The following NADSYN1 variants were observed in gnomAD, a reference collection of about 807,000 sequenced individuals.
The protein encoded by NADSYN1 is glutamine-dependent NAD(+) synthetase.
NADSYN1 carries 80 observed loss-of-function variants against 99.3 expected under a neutral mutation model. The ratio of observed to expected loss-of-function variants is 0.81; its 90% CI spans 0.67 to 0.97. NADSYN1 has a LOEUF of 0.97. Among genes scored for constraint, NADSYN1 ranks in the 50% least tolerant of loss-of-function variants. The probability of loss-of-function intolerance (pLI) is 0.00; values close to 1 mark genes in which losing one functional copy is unlikely to be tolerated. For missense variants in NADSYN1, 859 were observed against 948.5 expected (o/e 0.91, Z 1.24); for synonymous variants, 385 against 372.1 (o/e 1.03, Z -0.40).
chr11:71,478,513 C>A, intron 10 of NADSYN1, 44 bp downstream of exon 10: 1 of 1,538,386 alleles, frequency 6.5e-7, no homozygotes, highest in Non-Finnish European at 8.9e-7. Context: ...TCATCAAAGA[C>A]GTGGAAAGTG....
At position 71,464,158 on chromosome 11, in the gene NADSYN1, G is replaced by A; in HGVS notation, c.407+16G>A. 6.3e-7 allele frequency: 1 copy of A among 1,590,016 alleles called. No individual in the cohort carries two copies. Among genetic ancestry groups the A allele is most frequent in the South Asian group, 1.1e-5 (1 of 88,152 alleles). On this transcript the variant is annotated intron_variant, in intron 5 of 20. Transcript: ENST00000319023. ...CGAGGAGTCGGTGAGTCGGGTGCCT[G>A]ACCACTCCTGGGATGTGCGTTAAGC...
At chr11:71,469,247 C>T (rs986078275) in intron 5 of NADSYN1, among the ~76,000 whole-genome samples, 3 of 152,128 alleles carry the variant, frequency 2.0e-5, no homozygotes, top group African/African-American at 7.2e-5. Flanking sequence ...GTTCAGGATT[C>T]GAGACCAGCT....
intron 16 of NADSYN1, among the ~76,000 whole-genome samples, chr11:71,487,049 G>A (rs1289665327): frequency 2.0e-5 from 3 of 151,994 alleles, no homozygotes; most frequent in African/African-American, 4.8e-5. Flanking sequence ...CTCGTGATCC[G>A]CCCACCTTGG....
rs1252397997 is a variant in NADSYN1 at position 71,498,503 on chromosome 11, G to T, written c.2045G>T (p.Trp682Leu). The T allele has an allele frequency of 6.2e-7, 1 of 1,614,082 alleles. No individual in the cohort carries two copies. Residue 682 changes from tryptophan to leucine, a missense_variant, in exon 20 of 21, where the codon TGG becomes TTG. Transcript: ENST00000319023. ...RPFLYNTSWPWQFRCIENQVL... is the reference protein window; with the variant it reads ...RPFLYNTSWPLQFRCIENQVL... ...TTTCTGTACAACACAAGCTGGCCTTGGCAGTTTCGGTGCATAGAAAATCAG... is the reference window on the plus strand; with the variant it reads ...TTTCTGTACAACACAAGCTGGCCTTTGCAGTTTCGGTGCATAGAAAATCAG...
chr11:71,463,072 C>T (rs576526270), intron 3 of NADSYN1, among the ~76,000 whole-genome samples: 1 of 152,218 alleles, frequency 6.6e-6, no homozygotes, highest in Admixed American at 6.5e-5. Flanking sequence ...CGGACAGGTG[C>T]TGAAAAGTGG....
Position 71,482,760 on chromosome 11 carries a change from G to C in NADSYN1, c.1151-89G>C, listed in dbSNP as rs987184429. The C allele has an allele frequency of 5.6e-6, 8 of 1,417,162 alleles. No homozygotes were observed. The South Asian group carries it at 1.2e-4, about 22-fold the overall frequency. The allele number at this position is 1,417,162 out of a possible 1,614,324, so 87.8% of individuals were successfully genotyped here. ...GTGTAGACCGGGGTGGAGCCGCATG[G>C]GCACCTGGGGGTGTAGACCGGGGTG... On this transcript the variant is annotated intron_variant, in intron 13 of 20. Coordinates refer to ENST00000319023, the MANE Select transcript of NADSYN1 (RefSeq NM_018161.5).
chr11:71,484,157 G>C (rs1017933136), intron 14 of NADSYN1, among the ~76,000 whole-genome samples, 155 bp from the exon 15 acceptor site: 1 of 152,226 alleles, frequency 6.6e-6, no homozygotes, highest in Non-Finnish European at 1.5e-5. Context: ...GGTGGTGATG[G>C]CTGCGCAGCA....
chr11:71,466,101 G>A (rs1949587341), intron 5 of NADSYN1, among the ~76,000 whole-genome samples: 2 of 152,182 alleles, frequency 1.3e-5, no homozygotes, highest in South Asian at 4.1e-4. Context: ...ATTTGATTTG[G>A]GGCTTATATC....
At chr11:71,484,542 T>TC (rs1949729616) in intron 15 of NADSYN1, 95 bp downstream of exon 15, 1 of 1,469,944 alleles carries the variant, frequency 6.8e-7, no homozygotes, top group African/African-American at 1.4e-5. Context: ...ACCTGGGCCA[T>TC]CGTCTCCATG....
At chr11:71,474,724 G>A (rs1949653282) in intron 9 of NADSYN1, 198 bp downstream of exon 9, 1 of 582,664 alleles carries the variant, frequency 1.7e-6, no homozygotes. Flanking sequence ...GGTCCCGCCT[G>A]CTCCTGGCTC....
intron 14 of NADSYN1, among the ~76,000 whole-genome samples, chr11:71,483,545 G>T (rs1180057004): frequency 2.6e-5 from 4 of 152,156 alleles, no homozygotes; most frequent in Middle Eastern, 3.2e-3. Flanking sequence ...TGGAAGGAGG[G>T]CACCTTTCCG....
intron 18 of NADSYN1, among the ~76,000 whole-genome samples, chr11:71,495,355 A>G (rs922346656): frequency 6.6e-6 from 1 of 152,204 alleles, no homozygotes; most frequent in Admixed American, 6.5e-5. Flanking sequence ...CTGAATTTGT[A>G]CTTTTATTCC....
Position 71,464,971 on chromosome 11 carries a change from G to A in NADSYN1, c.407+829G>A, listed in dbSNP as rs183436978. ...CCCCAGACCCTATTCTACCTCAGCA[G>A]TGTCACAGATATCGACTAGCTGGGG... On this transcript the variant is annotated intron_variant, in intron 5 of 20. Coordinates refer to ENST00000319023, the MANE Select transcript of NADSYN1 (RefSeq NM_018161.5). Among the ~76,000 whole-genome samples the A allele has an allele frequency of 3.5e-3, 528 of 151,966 alleles. 5 individuals are homozygous for A. The highest frequency in any genetic ancestry group is 0.012 in the African/African-American group (506 of 41,416).
Position 71,473,620 on chromosome 11 carries a change from G to T in NADSYN1, c.600G>T (p.Ser200=). 6.2e-7 allele frequency: 1 copy of T among 1,613,096 alleles called. No individual in the cohort carries two copies. The highest frequency in any genetic ancestry group is 8.5e-7 in the Non-Finnish European group (1 of 1,179,840). Residue 200 remains serine (S), a synonymous_variant, in exon 8 of 21, where the codon TCG becomes TCT. Coordinates refer to ENST00000319023, the MANE Select transcript of NADSYN1 (RefSeq NM_018161.5). The part of the protein sequence containing the change: ...LDGVEIITNA[S]GSHQVLRKAN... ...GCGTGGAGATCATCACCAACGCCTCGGGCAGCCACCAAGTGCTGCGCAAAG... is the reference window on the plus strand; with the variant it reads ...GCGTGGAGATCATCACCAACGCCTCTGGCAGCCACCAAGTGCTGCGCAAAG...
chr11:71,477,642 C>T (rs1030685516), intron 9 of NADSYN1, among the ~76,000 whole-genome samples: 1 of 152,220 alleles, frequency 6.6e-6, no homozygotes, highest in Non-Finnish European at 1.5e-5. Flanking sequence ...TCTGCATATA[C>T]CGCAATTGGC....
chr11:71,482,628 T>C (rs535829277), intron 13 of NADSYN1: 6 of 384,638 alleles, frequency 1.6e-5, no homozygotes, highest in Admixed American at 9.9e-5. Context: ...CACCTGGGGG[T>C]GTAGACCGGG....
intron 5 of NADSYN1, among the ~76,000 whole-genome samples, chr11:71,464,905 T>C (rs1328059325): frequency 1.3e-5 from 2 of 151,144 alleles, no homozygotes; most frequent in Admixed American, 6.6e-5. Flanking sequence ...AGCGGGGTTT[T>C]TCTGTTTGAT....
chr11:71,486,494 T>G (rs4944979), intron 16 of NADSYN1, among the ~76,000 whole-genome samples: 116,866 of 151,658 alleles, frequency 0.77, 46,760 homozygotes, highest in Non-Finnish European at 0.9. Context: ...CATCCATCCA[T>G]TCATTCACCC....
At chr11:71,457,775 C>T (rs1471665560) in intron 2 of NADSYN1, among the ~76,000 whole-genome samples, 2 of 152,194 alleles carry the variant, frequency 1.3e-5, no homozygotes, top group East Asian at 1.9e-4. Flanking sequence ...CATGTTGCCT[C>T]CTGTTCTCCC....
Sources: gnomAD v4.1 joint callset for allele counts (sites outside exome capture counted in the v4.1 genomes callset) on GRCh38, gnomAD v4.1.1 for gene constraint, MANE v1.5 for transcripts, NCBI Gene and HGNC (gene_info 2026-07-23, HGNC 2026-07-21) for gene names.